The following PLXNA4 variants were observed in gnomAD, a reference collection of about 807,000 sequenced individuals.
PLXNA4 encodes plexin-A4.
In PLXNA4, 44 loss-of-function variants were observed where a neutral mutation model predicts 191.8. The observed-to-expected ratio is 0.23, with a 90% CI of 0.18 to 0.29. The LOEUF (loss-of-function observed/expected upper bound fraction) is 0.29, where lower values mean the gene tolerates loss of function less well. Among genes scored for constraint, PLXNA4 ranks in the 10% least tolerant of loss-of-function variants. The pLI is 1.00. For missense variants in PLXNA4, 1,800 were observed against 2,488.8 expected, an observed-to-expected ratio of 0.72 and a Z score of 5.89; for synonymous variants, 1,082 against 1,009.5, an observed-to-expected ratio of 1.07 and a Z score of -1.36.
At chr7:132,535,379 G>A (rs945723135) in intron 1 of PLXNA4, among the ~76,000 whole-genome samples, 1 of 152,198 alleles carries the variant, frequency 6.6e-6, no homozygotes, top group African/African-American at 2.4e-5. Flanking sequence ...GCTGTGGTCT[G>A]GTTGGTGGGT....
At chr7:132,505,597 G>C (rs1386504106) in intron 2 of PLXNA4, among the ~76,000 whole-genome samples, 1 of 152,206 alleles carries the variant, frequency 6.6e-6, no homozygotes, top group Non-Finnish European at 1.5e-5. Context: ...CTGCAGGCAA[G>C]GGGGATTCTC....
Position 132,146,572 on chromosome 7 carries a change from C to A in PLXNA4, c.4993G>T (p.Glu1665Ter). The A allele has an allele frequency of 6.2e-7, 1 of 1,614,174 alleles. No homozygotes were observed. Among genetic ancestry groups the A allele is most frequent in the Non-Finnish European group, 8.5e-7 (1 of 1,180,026 alleles). The change falls in exon 28 of 32, where the codon GAG becomes TAG. Residue 1665 changes from glutamate to a stop codon, truncating the protein, a stop_gained. Coordinates refer to ENST00000321063, the MANE Select transcript of PLXNA4 (RefSeq NM_020911.2). LOFTEE classifies it high-confidence loss of function. ...VKNHEHGDQK[E>*]GDRGSKMVSE... ...ACCATCTTGCTCCCCCGGTCCCCCT[C>A]CTTCTGGTCTCCGTGCTCGTGGTTC...
At chr7:132,491,720 G>A (rs1198319597) in intron 2 of PLXNA4, among the ~76,000 whole-genome samples, 5 of 152,134 alleles carry the variant, frequency 3.3e-5, no homozygotes, top group African/African-American at 1.2e-4. Context: ...TCTGAGGTCA[G>A]GAGTTCGAGA....
At chr7:132,225,786 A>G (rs900790830) in intron 8 of PLXNA4, among the ~76,000 whole-genome samples, 1 of 152,142 alleles carries the variant, frequency 6.6e-6, no homozygotes, top group Admixed American at 6.5e-5. Context: ...CTGCCCATGG[A>G]GCTTGCTCTC....
At chr7:132,272,863 G>A (rs1800129050) in intron 4 of PLXNA4, among the ~76,000 whole-genome samples, 1 of 151,036 alleles carries the variant, frequency 6.6e-6, no homozygotes, top group Non-Finnish European at 1.5e-5. Context: ...CCTTAAGAAC[G>A]TTCTTCATCG....
chr7:132,198,901 C>T (rs1055959169), intron 12 of PLXNA4, among the ~76,000 whole-genome samples: 1 of 152,196 alleles, frequency 6.6e-6, no homozygotes, highest in African/African-American at 2.4e-5. Context: ...GAGGATGGAA[C>T]ATGACCAGCA....
intron 5 of PLXNA4, among the ~76,000 whole-genome samples, chr7:132,232,978 G>C (rs1798574746): frequency 6.6e-6 from 1 of 152,122 alleles, no homozygotes; most frequent in South Asian, 2.1e-4. Context: ...CCAGGCTTAG[G>C]CATCAGAACT....
chr7:132,485,969 C>A (rs963732291), intron 3 of PLXNA4, among the ~76,000 whole-genome samples: 1 of 152,134 alleles, frequency 6.6e-6, no homozygotes, highest in Non-Finnish European at 1.5e-5. Context: ...GAGCAGCCCA[C>A]GGATAGCTCG....
intron 4 of PLXNA4, among the ~76,000 whole-genome samples, chr7:132,268,718 C>T (rs142369267): frequency 1.2e-3 from 179 of 152,286 alleles, no homozygotes; most frequent in African/African-American, 4.2e-3. Flanking sequence ...AGGAAGGCTG[C>T]CAGGCTTCCT....
At chr7:132,437,761 G>C (rs1449033320) in intron 3 of PLXNA4, among the ~76,000 whole-genome samples, 2 of 152,108 alleles carry the variant, frequency 1.3e-5, no homozygotes, top group African/African-American at 2.4e-5. Context: ...AAACCCAGAA[G>C]TGGTGACCAC....
intron 25 of PLXNA4, among the ~76,000 whole-genome samples, chr7:132,149,668 G>C (rs962411426): frequency 6.6e-6 from 1 of 152,198 alleles, no homozygotes; most frequent in African/African-American, 2.4e-5. Context: ...CCTGCTCAAT[G>C]CCTCTCAGAT....
intron 3 of PLXNA4, among the ~76,000 whole-genome samples, chr7:132,406,705 G>A (rs915916975): frequency 6.6e-6 from 1 of 152,036 alleles, no homozygotes; most frequent in Non-Finnish European, 1.5e-5. Flanking sequence ...ATGACCCAGG[G>A]GCATTTACGA....
intron 1 of PLXNA4, among the ~76,000 whole-genome samples, chr7:132,534,818 G>T (rs1799766392): frequency 6.6e-6 from 1 of 152,188 alleles, no homozygotes; most frequent in South Asian, 2.1e-4. Context: ...GATCTTACAG[G>T]TGCCTGAGAG....
At chr7:132,618,635 T>C (rs1391143441) in intron 2 of PLXNA4, among the ~76,000 whole-genome samples, 2 of 152,226 alleles carry the variant, frequency 1.3e-5, no homozygotes, top group African/African-American at 4.8e-5. Context: ...AGACAACTGC[T>C]TTGGGCTTTT....
intron 12 of PLXNA4, among the ~76,000 whole-genome samples, chr7:132,201,080 T>C (rs1322934402): frequency 2.0e-5 from 3 of 152,142 alleles, no homozygotes; most frequent in Non-Finnish European, 4.4e-5. Context: ...TGGTACAATA[T>C]GATCTAATGA....
intron 3 of PLXNA4, among the ~76,000 whole-genome samples, chr7:132,311,315 G>A (rs1366466040): frequency 6.6e-6 from 1 of 152,124 alleles, no homozygotes; most frequent in Non-Finnish European, 1.5e-5. Context: ...GTATGATTCG[G>A]TGCCTCCTGT....
intron 3 of PLXNA4, among the ~76,000 whole-genome samples, chr7:132,407,629 G>A (rs954140100): frequency 7.2e-5 from 11 of 152,160 alleles, no homozygotes; most frequent in South Asian, 2.1e-4. Context: ...CTGGGACTAC[G>A]TCAATACATC....
At chr7:132,628,709 C>T (rs4374930) in intron 2 of PLXNA4, among the ~76,000 whole-genome samples, 33,014 of 151,988 alleles carry the variant, frequency 0.22, 4,200 homozygotes, top group African/African-American at 0.32. Context: ...TTGTAACTTT[C>T]TGGTTAAGAG....
At chr7:132,456,368 C>G (rs1202961204) in intron 3 of PLXNA4, among the ~76,000 whole-genome samples, 1 of 152,144 alleles carries the variant, frequency 6.6e-6, no homozygotes, top group Non-Finnish European at 1.5e-5. Flanking sequence ...CTGCCTCGGC[C>G]TCCCAAAGTG....
Sources: allele counts gnomAD v4.1 joint callset (sites outside exome capture counted in the v4.1 genomes callset), GRCh38; gene constraint gnomAD v4.1.1; transcripts MANE v1.5; gene names NCBI Gene and HGNC (gene_info 2026-07-23, HGNC 2026-07-21).